KIAA1191: variants seen among roughly 807,000 people sequenced by gnomAD.
The protein encoded by KIAA1191 is KIAA1191.
KIAA1191 carries 22 observed loss-of-function variants against 31.1 expected under a neutral mutation model. That is an observed-to-expected ratio of 0.71 (90% CI 0.51 to 1.01). The LOEUF is 1.01. Ranked by LOEUF, KIAA1191 falls within the 50% of genes least tolerant of loss-of-function variation. The probability of loss-of-function intolerance (pLI) is 0.00; values close to 1 mark genes in which losing one functional copy is unlikely to be tolerated. For synonymous variants in KIAA1191, 130 were observed against 143.9 expected, an observed-to-expected ratio of 0.90 and a Z score of 0.69; for missense variants, 319 against 388.0, an observed-to-expected ratio of 0.82 and a Z score of 1.49.
intron 5 of KIAA1191, among the ~76,000 whole-genome samples, chr5:176,351,074 A>T (rs539834882): frequency 6.6e-6 from 1 of 152,164 alleles, no homozygotes; most frequent in Non-Finnish European, 1.5e-5. Context: ...TGGATGCAGT[A>T]GCTCACACCT....
chr5:176,352,608 T>C lies in KIAA1191; in HGVS notation c.334+14A>G. On this transcript the variant is annotated intron_variant, in intron 5 of 8. Transcript: ENST00000298569. ...CCCCTATGGCACTCTACTCTGAGGG[T>C]GAAGAGTGCTTACTTGTGATCAGAG... 6 of 1,612,340 alleles carry C rather than the reference T, an allele frequency of 3.7e-6. No homozygotes were observed. The highest frequency in any genetic ancestry group is 5.1e-6 in the Non-Finnish European group (6 of 1,179,096).
intron 7 of KIAA1191, 22 bp from the exon 8 acceptor site, chr5:176,348,085 A>G (rs368754605): frequency 6.2e-7 from 1 of 1,612,576 alleles, no homozygotes; most frequent in Non-Finnish European, 8.5e-7. Flanking sequence ...AGAACAAAAC[A>G]TATCCTAAAA....
At chr5:176,359,024 CAG>C (rs1767744688) in intron 3 of KIAA1191, among the ~76,000 whole-genome samples, 1 of 142,706 alleles carries the variant, frequency 7.0e-6, no homozygotes, top group Non-Finnish European at 1.5e-5. Context: ...GCGGAGCTTG[CAG>C]TGAGCTGAGA....
chr5:176,352,549 C>A (rs995917357), intron 5 of KIAA1191, 73 bp downstream of exon 5: 2 of 1,547,516 alleles, frequency 1.3e-6, no homozygotes, highest in Middle Eastern at 2.2e-4. Flanking sequence ...GTATCATCTC[C>A]AATCAGCTTG....
At chr5:176,352,845 T>G (rs1767153539) in intron 4 of KIAA1191, 97 bp from the exon 5 acceptor site, 1 of 1,311,916 alleles carries the variant, frequency 7.6e-7, no homozygotes, top group South Asian at 1.5e-5. Context: ...TGAAATAACA[T>G]TAATCTGGTA....
At chr5:176,350,769 T>C (rs1416580654) in intron 5 of KIAA1191, 32 bp from the exon 6 acceptor site, 5 of 1,611,480 alleles carry the variant, frequency 3.1e-6, no homozygotes, top group Middle Eastern at 3.3e-4. Context: ...GTCATGCCCA[T>C]TCCCCTCTCC....
chr5:176,358,855 C>T (rs574140476), intron 3 of KIAA1191, among the ~76,000 whole-genome samples: 8 of 152,158 alleles, frequency 5.3e-5, no homozygotes, highest in South Asian at 4.1e-4. Context: ...GAGGCCGAGG[C>T]GGGCGGATCA....
chr5:176,358,956 C>T (rs1403580072), intron 3 of KIAA1191, among the ~76,000 whole-genome samples: 2 of 151,524 alleles, frequency 1.3e-5, no homozygotes, highest in Non-Finnish European at 2.9e-5. Context: ...TGGTGGTGGG[C>T]GCCTGTAGTC....
intron 4 of KIAA1191, among the ~76,000 whole-genome samples, chr5:176,352,988 C>T (rs1767167094): frequency 6.6e-6 from 1 of 152,198 alleles, no homozygotes; most frequent in Admixed American, 6.5e-5. Flanking sequence ...GAATTTGAAG[C>T]TCTGACGTCT....
Position 176,355,620 on chromosome 5 carries a change from ACG to A in KIAA1191, c.156_157del (p.Val53ProfsTer36). 1 of 1,612,230 alleles carries A rather than the reference ACG, an allele frequency of 6.2e-7. No individual in the cohort carries two copies. Among genetic ancestry groups the A allele is most frequent in the Non-Finnish European group, 8.5e-7 (1 of 1,179,722 alleles). On this transcript the variant is annotated frameshift_variant, in exon 4 of 9. Transcript: ENST00000298569. LOFTEE classifies it high-confidence loss of function. This position sits in a 1 kb window ranked among gnomAD's most constrained non-coding sequence, Gnocchi z 4.2. ...CTCTGGAATCACTGGCTTCCAAGGG[ACG>A]CTGCCCATGTCCGATGGAGGAGGAG...
In KIAA1191 at chr5:176,347,473, T is replaced by C. The variant is rs1282527859; in HGVS notation, c.*127A>G. 1.4e-6 allele frequency: 1 copy of C among 733,060 alleles called. No homozygotes were observed. Among genetic ancestry groups the C allele is most frequent in the Non-Finnish European group, 2.0e-6 (1 of 489,362 alleles). The allele number at this position is 733,060 out of a possible 1,614,324, so 45.4% of individuals were successfully genotyped here. On this transcript the variant is annotated 3_prime_UTR_variant, in exon 9 of 9. Transcript: ENST00000298569. Reference sequence around the variant, plus strand: ...ACCTTGGCCTCCCAAAGTGCTGGGATTACAGGCGTGAGCCACCACGCCCAG... The same window carrying C: ...ACCTTGGCCTCCCAAAGTGCTGGGACTACAGGCGTGAGCCACCACGCCCAG...
At position 176,347,493 on chromosome 5, in the gene KIAA1191, G is replaced by C. The variant is rs1388427587; in HGVS notation, c.*107C>G. On this transcript the variant is annotated 3_prime_UTR_variant, in exon 9 of 9. Coordinates refer to ENST00000298569, the MANE Select transcript of KIAA1191 (RefSeq NM_020444.5). ...TGGGATTACAGGCGTGAGCCACCAC[G>C]CCCAGCTGATTAAGTTTTTAAATAT... 4.3e-6 allele frequency: 4 copies of C among 934,712 alleles called. No individual in the cohort carries two copies. The African/African-American group carries it at 5.0e-5, about 12-fold the overall frequency. The allele number at this position is 934,712 out of a possible 1,614,324, so 57.9% of individuals were successfully genotyped here.
intron 6 of KIAA1191, 142 bp downstream of exon 6, chr5:176,350,471 C>A (rs1766892031): frequency 1.9e-6 from 2 of 1,046,468 alleles, no homozygotes; most frequent in Admixed American, 2.7e-5. Flanking sequence ...GGTGGATAAG[C>A]AAAAACTACG....
At chr5:176,358,605 A>G (rs1182833015) in intron 3 of KIAA1191, among the ~76,000 whole-genome samples, 10 of 152,126 alleles carry the variant, frequency 6.6e-5, no homozygotes, top group Admixed American at 6.5e-4. Flanking sequence ...AATCCCAGCT[A>G]CTCGAGGCTG....
chr5:176,357,148 A>G (rs1767574199), intron 3 of KIAA1191: 1 of 152,122 alleles, frequency 6.6e-6, no homozygotes, highest in African/African-American at 2.4e-5. Context: ...TCAAAATACA[A>G]AAATTAGCCA....
chr5:176,351,340 CAA>C (rs955175769), intron 5 of KIAA1191, among the ~76,000 whole-genome samples: 5 of 107,260 alleles, frequency 4.7e-5, no homozygotes, highest in Admixed American at 1.9e-4. Context: ...GACTCCATCT[CAA>C]AAAAAAAAAA....
rs1766495875 is a variant in KIAA1191, at chr5:176,346,299, CAGTA to C, written c.*1297_*1300del. On this transcript the variant is annotated 3_prime_UTR_variant, in exon 9 of 9. Coordinates refer to ENST00000298569, the MANE Select transcript of KIAA1191 (RefSeq NM_020444.5). ...AGGTGGCTTCTGTATTTCCCTCCCT[CAGTA>C]AGGTTATGTGTTGCATAAAGGGATG... is the stretch of plus-strand genomic sequence containing the variant. 1 of 152,214 alleles carries C rather than the reference CAGTA, an allele frequency of 6.6e-6. No individual in the cohort carries two copies. The highest frequency in any genetic ancestry group is 1.5e-5 in the Non-Finnish European group (1 of 68,034). 9.4% of individuals were successfully genotyped at this position (152,214 alleles called of 1,614,324 possible).
chr5:176,359,762 G>A (rs974667079), intron 2 of KIAA1191, 49 bp downstream of exon 2: 11 of 426,172 alleles, frequency 2.6e-5, no homozygotes, highest in African/African-American at 2.0e-4. Flanking sequence ...CTTAACACCT[G>A]TGAGATGACA....
chr5:176,347,717 T>C lies in KIAA1191; in HGVS notation c.801A>G (p.Pro267=), dbSNP rs1283344515. The C allele has an allele frequency of 4.4e-6, 7 of 1,609,172 alleles. No homozygotes were observed. The highest frequency in any genetic ancestry group is 1.7e-5 in the Admixed American group (1 of 58,928). The change falls in exon 9 of 9, where the codon CCA becomes CCG. Residue 267 remains proline (P), a synonymous_variant. Transcript: ENST00000298569. ...RAQANRMAED[P]AALKPPKMDI... is the part of the protein sequence containing the mutation. ...CCATCTTGGGGGGCTTCAAGGCTGCTGGATCTTCAGCCATTCGGTTGGCCT... is the reference window on the plus strand; with the variant it reads ...CCATCTTGGGGGGCTTCAAGGCTGCCGGATCTTCAGCCATTCGGTTGGCCT...
Sources: gnomAD v4.1 joint callset for allele counts (sites outside exome capture counted in the v4.1 genomes callset) on GRCh38, gnomAD v4.1.1 for gene constraint, Gnocchi (gnomAD v3.1) non-coding constraint, MANE v1.5 for transcripts, NCBI Gene and HGNC (gene_info 2026-07-23, HGNC 2026-07-21) for gene names.